CDH6: variants seen among roughly 807,000 people sequenced by gnomAD.
CDH6 encodes the protein cadherin 6.
A neutral mutation model predicts 78.0 loss-of-function variants in CDH6; 31 were observed. That is an observed-to-expected ratio of 0.40 (90% CI 0.30 to 0.54). The LOEUF (loss-of-function observed/expected upper bound fraction) is 0.54. Among genes scored for constraint, CDH6 ranks in the 20% least tolerant of loss-of-function variants. The probability of loss-of-function intolerance (pLI) is 0.56; values close to 1 mark genes in which losing one functional copy is unlikely to be tolerated. For missense variants in CDH6, 724 were observed against 975.9 expected (o/e 0.74, Z 3.44); for synonymous variants, 376 against 368.8 (o/e 1.02, Z -0.23).
chr5:31,284,154 A>G (rs1026770485), intron 2 of CDH6, among the ~76,000 whole-genome samples: 6 of 152,206 alleles, frequency 3.9e-5, no homozygotes, highest in Non-Finnish European at 5.9e-5. Context: ...TTGTAGATCA[A>G]GAAATAAGCT....
intron 1 of CDH6, among the ~76,000 whole-genome samples, chr5:31,200,658 G>A (rs958070575): frequency 4.0e-5 from 6 of 151,354 alleles, no homozygotes; most frequent in Middle Eastern, 6.8e-3. Flanking sequence ...GAAAGAAAGA[G>A]GGAGGGAGGA....
chr5:31,278,399 G>A (rs1742760794), intron 2 of CDH6, among the ~76,000 whole-genome samples: 1 of 151,998 alleles, frequency 6.6e-6, no homozygotes, highest in South Asian at 2.1e-4. Flanking sequence ...AAACTAACAA[G>A]AAAAATAAGA....
Position 31,305,182 on chromosome 5 carries a change from C to T in CDH6, c.1008C>T (p.Asp336=), listed in dbSNP as rs1204345204. The T allele has an allele frequency of 1.2e-6, 2 of 1,611,360 alleles. No homozygotes were observed. The highest frequency in any genetic ancestry group is 2.2e-5 in the East Asian group (1 of 44,812). Residue 336 remains aspartate (D), a synonymous_variant, in exon 7 of 12, where the codon GAC becomes GAT. Coordinates refer to ENST00000265071, the MANE Select transcript of CDH6 (RefSeq NM_004932.4). ...EGIITVKKLL[D]FEKKKVYTLK... ...CCACCCCCAACCTCAAGCTCTTGGA[C>T]TTTGAAAAGAAGAAAGTGTATACCC...
rs372076426 is a variant in CDH6, at chr5:31,209,176, T to C, written c.-129+15290T>C. Among the ~76,000 whole-genome samples the C allele has an allele frequency of 5.3e-5, 8 of 152,222 alleles. No homozygotes were observed. The East Asian group carries it at 7.7e-4, about 15-fold the overall frequency. ...TTTATGTTTGTTTGTTTTTTTAACA[T>C]AAGTGAATTTCCTAGACTAGAGTAG... On this transcript the variant is annotated intron_variant, in intron 1 of 11. Coordinates refer to ENST00000265071, the MANE Select transcript of CDH6 (RefSeq NM_004932.4).
intron 2 of CDH6, among the ~76,000 whole-genome samples, chr5:31,289,651 C>T (rs1488933916): frequency 6.6e-6 from 1 of 152,196 alleles, no homozygotes; most frequent in Admixed American, 6.5e-5. Context: ...GGACTGTTTT[C>T]TGTCTTAACA....
In CDH6 at chr5:31,218,734, T is replaced by C. The variant is rs114718032; in HGVS notation, c.-129+24848T>C. 6.3e-3 allele frequency among the ~76,000 whole-genome samples: 957 copies of C among 152,298 alleles called. 9 individuals carry two copies. Among genetic ancestry groups the C allele is most frequent in the South Asian group, 0.034 (163 of 4,830 alleles). The stretch of plus-strand genomic sequence containing the variant: ...AACTCCAGCACAGACCTCCAGCTTG[T>C]ATCCCTGCTTTCTGTCTCTTGCTTC... On this transcript the variant is annotated intron_variant, in intron 1 of 11. Coordinates refer to ENST00000265071, the MANE Select transcript of CDH6 (RefSeq NM_004932.4).
Position 31,317,883 on chromosome 5 carries a change from G to A in CDH6, c.1841G>A (p.Gly614Glu), listed in dbSNP as rs772876458. Residue 614 changes from glycine to glutamate, a missense_variant, in exon 11 of 12, where the codon GGG becomes GAG. Coordinates refer to ENST00000265071, the MANE Select transcript of CDH6 (RefSeq NM_004932.4). ...ATCCACCCCACGGGACTGAGCACGG[G>A]GGCTCTGGTTGCCATCCTTCTGTGC... Reference protein sequence around the residue: ...ALIHPTGLSTGALVAILLCIV... With the variant: ...ALIHPTGLSTEALVAILLCIV... 1 of 1,613,938 alleles carries A rather than the reference G, an allele frequency of 6.2e-7. No individual in the cohort carries two copies. The highest frequency in any genetic ancestry group is 8.5e-7 in the Non-Finnish European group (1 of 1,180,022).
rs1738319152 is a variant in CDH6 at position 31,316,190 on chromosome 5, C to G, written c.1391-18C>G. On this transcript the variant is annotated intron_variant, in intron 8 of 11. Coordinates refer to ENST00000265071, the MANE Select transcript of CDH6 (RefSeq NM_004932.4). The stretch of plus-strand genomic sequence containing the variant: ...TCAACATGTAAATGCCTTTTTCTTT[C>G]TTTTTGGTTTGTGACAGATAATCCA... The G allele has an allele frequency of 6.3e-7, 1 of 1,588,438 alleles. No individual in the cohort carries two copies. Among genetic ancestry groups the G allele is most frequent in the African/African-American group, 1.4e-5 (1 of 73,136 alleles).
At chr5:31,253,669 A>C (rs1741974131) in intron 1 of CDH6, among the ~76,000 whole-genome samples, 1 of 152,090 alleles carries the variant, frequency 6.6e-6, no homozygotes, top group Non-Finnish European at 1.5e-5. Context: ...TTCAACATAT[A>C]ATTTTTGCAA....
chr5:31,251,684 G>A (rs1741912522), intron 1 of CDH6: 1 of 152,098 alleles, frequency 6.6e-6, no homozygotes, highest in Non-Finnish European at 1.5e-5. Flanking sequence ...TTTTCCCTCT[G>A]AACATTGAAA....
At chr5:31,289,743 A>G (rs1039542045) in intron 2 of CDH6, among the ~76,000 whole-genome samples, 1 of 152,184 alleles carries the variant, frequency 6.6e-6, no homozygotes, top group Non-Finnish European at 1.5e-5. Flanking sequence ...GCAATAAGGC[A>G]GCATTAGCTG....
At chr5:31,245,832 C>T (rs1741730161) in intron 1 of CDH6, among the ~76,000 whole-genome samples, 2 of 151,484 alleles carry the variant, frequency 1.3e-5, no homozygotes, top group South Asian at 2.1e-4. Context: ...ACTTCTAATA[C>T]GCCATAATTT....
chr5:31,318,160 A>C, intron 11 of CDH6: 1 of 608,218 alleles, frequency 1.6e-6, no homozygotes, highest in Non-Finnish European at 3.0e-6. Context: ...GAAGCAAAGA[A>C]TCTCTTGTCT....
intron 1 of CDH6, among the ~76,000 whole-genome samples, chr5:31,210,139 G>A (rs1446850437): frequency 4.0e-5 from 6 of 150,608 alleles, no homozygotes; most frequent in African/African-American, 1.5e-4. Context: ...GAACAAAACT[G>A]AGATTCTGTT....
intron 2 of CDH6, among the ~76,000 whole-genome samples, chr5:31,271,963 T>G (rs1180427674): frequency 6.6e-6 from 1 of 152,198 alleles, no homozygotes; most frequent in Non-Finnish European, 1.5e-5. Context: ...TTGCCAAATT[T>G]GGGAACCACT....
At chr5:31,308,397 G>T (rs1021320579) in intron 7 of CDH6, among the ~76,000 whole-genome samples, 3 of 148,320 alleles carry the variant, frequency 2.0e-5, no homozygotes, top group Non-Finnish European at 4.5e-5. Context: ...ACATTAGAAG[G>T]CAAATTATTT....
At chr5:31,221,724 T>A (rs1191411877) in intron 1 of CDH6, among the ~76,000 whole-genome samples, 1 of 152,146 alleles carries the variant, frequency 6.6e-6, no homozygotes, top group East Asian at 1.9e-4. Context: ...CGTCAGTTAA[T>A]CAATGCAAAT....
intron 1 of CDH6, among the ~76,000 whole-genome samples, chr5:31,194,574 T>C (rs914048920): frequency 6.6e-6 from 1 of 152,142 alleles, no homozygotes; most frequent in Admixed American, 6.5e-5. Flanking sequence ...GCAAGGAAAG[T>C]CCAACACTGG....
At chr5:31,273,571 C>T (rs4502842) in intron 2 of CDH6, among the ~76,000 whole-genome samples, 3,594 of 152,240 alleles carry the variant, frequency 0.024, 134 homozygotes, top group African/African-American at 0.082. Context: ...GTCTGACCAC[C>T]TAGCTACTCA....
Sources: allele counts gnomAD v4.1 joint callset (sites outside exome capture counted in the v4.1 genomes callset), GRCh38; gene constraint gnomAD v4.1.1; transcripts MANE v1.5; gene names NCBI Gene and HGNC (gene_info 2026-07-23, HGNC 2026-07-21).